LPAR1: variants seen among roughly 807,000 people sequenced by gnomAD.
LPAR1 encodes LPA receptor 1.
A neutral mutation model predicts 23.8 loss-of-function variants in LPAR1; 5 were observed. That is an observed-to-expected ratio of 0.21 (90% CI 0.11 to 0.44). LPAR1 has a LOEUF of 0.44. Among genes scored for constraint, LPAR1 ranks in the 20% least tolerant of loss-of-function variants. The probability of loss-of-function intolerance (pLI) is 0.99; values close to 1 mark genes in which losing one functional copy is unlikely to be tolerated. For missense variants in LPAR1, 311 were observed against 482.8 expected (o/e 0.64, Z 3.33); for synonymous variants, 160 against 164.7 (o/e 0.97, Z 0.22).
chr9:110,890,768 G>C (rs539550811), intron 5 of LPAR1, among the ~76,000 whole-genome samples: 1 of 152,098 alleles, frequency 6.6e-6, no homozygotes, highest in South Asian at 2.1e-4. Context: ...AACCAAAAAG[G>C]GTTAACACTA....
chr9:110,901,241 G>A (rs34615401), intron 5 of LPAR1, among the ~76,000 whole-genome samples: 37,336 of 152,040 alleles, frequency 0.25, 6,383 homozygotes, highest in African/African-American at 0.49. Flanking sequence ...AGGAGAAGTC[G>A]TGGCCTAAAG....
chr9:110,925,417 T>C (rs1240849895), intron 5 of LPAR1, among the ~76,000 whole-genome samples: 1 of 152,222 alleles, frequency 6.6e-6, no homozygotes, highest in Non-Finnish European at 1.5e-5. Context: ...ATGAACATCA[T>C]ATTCCTGATA....
At chr9:110,920,877 C>A (rs556696322) in intron 5 of LPAR1, among the ~76,000 whole-genome samples, 2 of 152,290 alleles carry the variant, frequency 1.3e-5, no homozygotes, top group East Asian at 3.9e-4. Context: ...ATTCTCAGCA[C>A]TTTGGGAGAC....
chr9:110,888,759 T>C (rs920809971), intron 5 of LPAR1, among the ~76,000 whole-genome samples: 25 of 152,204 alleles, frequency 1.6e-4, no homozygotes, highest in Non-Finnish European at 5.9e-5. Flanking sequence ...TAATGGTGGC[T>C]TTGAATATGG....
At chr9:110,969,203 CT>C (rs2096325953) in intron 4 of LPAR1, among the ~76,000 whole-genome samples, 1 of 152,018 alleles carries the variant, frequency 6.6e-6, no homozygotes, top group African/African-American at 2.4e-5. Context: ...TTTTTGTCCT[CT>C]TGGGGCAATA....
chr9:111,026,339 G>A (rs535640831), intron 2 of LPAR1, among the ~76,000 whole-genome samples: 17 of 152,276 alleles, frequency 1.1e-4, no homozygotes, highest in African/African-American at 3.8e-4. Flanking sequence ...GTCTATTAAT[G>A]ATGTATAGGA....
chr9:110,916,164 G>A (rs1394645454), intron 5 of LPAR1, among the ~76,000 whole-genome samples: 4 of 152,150 alleles, frequency 2.6e-5, no homozygotes, highest in Non-Finnish European at 4.4e-5. Context: ...TTGGCACTGT[G>A]CTAATAACCT....
intron 5 of LPAR1, among the ~76,000 whole-genome samples, chr9:110,909,728 A>T (rs1342123056): frequency 6.2e-5 from 7 of 112,656 alleles, no homozygotes; most frequent in African/African-American, 2.4e-4. Context: ...TATTAAATAA[A>T]GTATTTATTT....
In LPAR1 at chr9:110,874,374, C is replaced by A. The variant is rs2078679653; in HGVS notation, c.*1047G>T. On this transcript the variant is annotated 3_prime_UTR_variant, in exon 6 of 6. Coordinates refer to ENST00000683809, the MANE Select transcript of LPAR1 (RefSeq NM_001351411.2). ...CAATGAAAAAGATCTACTTATAAAA[C>A]TGTTTACAGTATGACTCCAATTATG... 6.6e-6 allele frequency: 1 copy of A among 152,552 alleles called. No homozygotes were observed. Among genetic ancestry groups the A allele is most frequent in the Admixed American group, 6.5e-5 (1 of 15,268 alleles). The allele number at this position is 152,552 out of a possible 1,614,324, so 9.4% of individuals were successfully genotyped here.
At chr9:110,983,920 C>A (rs1037380818) in intron 2 of LPAR1, among the ~76,000 whole-genome samples, 4 of 151,920 alleles carry the variant, frequency 2.6e-5, no homozygotes, top group Admixed American at 2.0e-4. Flanking sequence ...GCCAATCAAG[C>A]CTTTGTTTAC....
chr9:111,020,262 G>A (rs1297896218), intron 2 of LPAR1, among the ~76,000 whole-genome samples: 1 of 152,206 alleles, frequency 6.6e-6, no homozygotes, highest in Non-Finnish European at 1.5e-5. Flanking sequence ...ATTTAGTCAT[G>A]AGACCTCAGC....
At chr9:110,888,749 T>C (rs1047085019) in intron 5 of LPAR1, among the ~76,000 whole-genome samples, 2 of 152,164 alleles carry the variant, frequency 1.3e-5, no homozygotes, top group Admixed American at 1.3e-4. Context: ...AGACAAGAGA[T>C]AATGGTGGCT....
intron 5 of LPAR1, among the ~76,000 whole-genome samples, chr9:110,891,712 C>A (rs191739336): frequency 2.0e-4 from 30 of 152,138 alleles, no homozygotes; most frequent in Non-Finnish European, 4.0e-4. Flanking sequence ...AATGAATAAT[C>A]CAATTAAAAT....
chr9:110,914,445 T>A (rs2092826508), intron 5 of LPAR1, among the ~76,000 whole-genome samples: 1 of 152,128 alleles, frequency 6.6e-6, no homozygotes, highest in Non-Finnish European at 1.5e-5. Context: ...ACTTATTCAC[T>A]ACCACCAGAA....
rs756855160 is a variant in LPAR1, at chr9:110,941,868, G to C, written c.346C>G (p.Leu116Val). The C allele has an allele frequency of 1.2e-6, 2 of 1,614,234 alleles. No individual in the cohort carries two copies. Among genetic ancestry groups the C allele is most frequent in the Admixed American group, 3.3e-5 (2 of 60,030 alleles). Residue 116 changes from leucine (L) to valine (V), a missense_variant, in exon 5 of 6, where the codon CTG becomes GTG. Around this residue, in one of 2 missense-constraint regions of LPAR1, gnomAD observed 250 missense variants for 427.2 expected, o/e 0.59. Transcript: ENST00000683809. This position sits in a 1 kb window ranked among gnomAD's most constrained non-coding sequence, Gnocchi z 6.1. Reference sequence around the variant, plus strand: ...CGAAGGAGCCATGTGCTAACAGTCAGTCTCCGAGTATTGGGTCCTGTGTTG... The same window carrying C: ...CGAAGGAGCCATGTGCTAACAGTCACTCTCCGAGTATTGGGTCCTGTGTTG... The part of the protein sequence containing the change: ...MFNTGPNTRR[L>V]TVSTWLLRQG...
At chr9:110,897,179 C>G (rs2086703669) in intron 5 of LPAR1, among the ~76,000 whole-genome samples, 1 of 152,144 alleles carries the variant, frequency 6.6e-6, no homozygotes, top group South Asian at 2.1e-4. Context: ...TTGCAGCTCC[C>G]ATAATTCCCA....
At chr9:110,942,744 A>G (rs1034106854) in intron 4 of LPAR1, among the ~76,000 whole-genome samples, 10 of 152,310 alleles carry the variant, frequency 6.6e-5, no homozygotes, top group Admixed American at 1.3e-4. Context: ...TTGCTGCTCA[A>G]CATTCCTGTG....
At chr9:110,931,035 T>A (rs1376732953) in intron 5 of LPAR1, among the ~76,000 whole-genome samples, 1 of 152,240 alleles carries the variant, frequency 6.6e-6, no homozygotes, top group East Asian at 1.9e-4. Context: ...ATACAAGATG[T>A]ACATGCCTAA....
At chr9:110,993,198 A>C (rs1164966056) in intron 2 of LPAR1, among the ~76,000 whole-genome samples, 1 of 152,080 alleles carries the variant, frequency 6.6e-6, no homozygotes, top group Non-Finnish European at 1.5e-5. Context: ...ATAGGTATAC[A>C]TGTGCTATGT....
Sources: allele counts gnomAD v4.1 joint callset (sites outside exome capture counted in the v4.1 genomes callset), GRCh38; gene constraint gnomAD v4.1.1; regional missense constraint gnomAD v4.1.1; non-coding constraint Gnocchi (gnomAD v3.1); transcripts MANE v1.5; gene names NCBI Gene and HGNC (gene_info 2026-07-23, HGNC 2026-07-21).